The following ITSN1 variants were observed in gnomAD, a reference collection of about 807,000 sequenced individuals.
ITSN1 encodes the protein intersectin 1, also known as intersectin-1.
A neutral mutation model predicts 239.8 loss-of-function variants in ITSN1; 58 were observed. That is an observed-to-expected ratio of 0.24 (90% confidence interval 0.20 to 0.30). The LOEUF (loss-of-function observed/expected upper bound fraction) is 0.30, where lower values mean the gene tolerates loss of function less well. Ranked by LOEUF, ITSN1 falls within the 10% of genes least tolerant of loss-of-function variation. ITSN1 has a pLI of 1.00. For synonymous variants in ITSN1, 780 were observed against 770.8 expected (o/e 1.01, Z -0.20); for missense variants, 1,558 against 2,103.3 (o/e 0.74, Z 5.07).
intron 18 of ITSN1, among the ~76,000 whole-genome samples, chr21:33,799,159 C>T (rs929558895): frequency 6.6e-6 from 1 of 152,164 alleles, no homozygotes; most frequent in Admixed American, 6.5e-5. Context: ...ATATCCTCCG[C>T]TCATGTGCAT....
At chr21:33,743,536 A>C (rs976222946) in intron 5 of ITSN1, among the ~76,000 whole-genome samples, 1 of 73,528 alleles carries the variant, frequency 1.4e-5, no homozygotes, top group Non-Finnish European at 3.3e-5. Flanking sequence ...TTTAAGACAA[A>C]GAAGATTGAA....
Position 33,788,824 on chromosome 21 carries a change from G to A in ITSN1, c.1825-5517G>A, listed in dbSNP as rs201760738. 1.1e-4 allele frequency among the ~76,000 whole-genome samples: 16 copies of A among 152,248 alleles called. No homozygotes were observed. In the East Asian group the frequency reaches 2.9e-3, roughly 28 times the overall value. ...CATCGAGAATGAATAAATGTAGCCTGGTACAGTGACATATATCTCAGGAGG... is the reference window on the plus strand; with the variant it reads ...CATCGAGAATGAATAAATGTAGCCTAGTACAGTGACATATATCTCAGGAGG... On this transcript the variant is annotated intron_variant, in intron 16 of 39. Coordinates refer to ENST00000381318, the MANE Select transcript of ITSN1 (RefSeq NM_003024.3).
At chr21:33,782,990 A>G (rs1298319697) in intron 16 of ITSN1, among the ~76,000 whole-genome samples, 1 of 152,046 alleles carries the variant, frequency 6.6e-6, no homozygotes, top group Non-Finnish European at 1.5e-5. Flanking sequence ...ACGCCACTGC[A>G]CTCCAGCCTG....
At chr21:33,803,462 A>G (rs1043632233) in intron 20 of ITSN1, among the ~76,000 whole-genome samples, 9 of 152,254 alleles carry the variant, frequency 5.9e-5, no homozygotes, top group African/African-American at 1.9e-4. Flanking sequence ...AAATTATGAT[A>G]CAGCTAAAAA....
intron 10 of ITSN1, among the ~76,000 whole-genome samples, 185 bp downstream of exon 10, chr21:33,766,197 A>G (rs974250742): frequency 1.4e-4 from 22 of 152,200 alleles, no homozygotes; most frequent in African/African-American, 5.3e-4. Flanking sequence ...AAAGTACTTG[A>G]AGTATATTAG....
At chr21:33,754,165 ATTAG>A (rs1413847913) in intron 7 of ITSN1, 3 of 152,156 alleles carry the variant, frequency 2.0e-5, no homozygotes, top group Non-Finnish European at 2.9e-5. Context: ...TCAGCAAAAT[ATTAG>A]TTAGTTAACA....
chr21:33,811,779 G>T (rs997547661), intron 21 of ITSN1, among the ~76,000 whole-genome samples: 11 of 152,186 alleles, frequency 7.2e-5, no homozygotes, highest in African/African-American at 2.7e-4. Flanking sequence ...TTTAAAAACT[G>T]TGTGTAAGCA....
chr21:33,673,052 T>C (rs1368124462), intron 1 of ITSN1, among the ~76,000 whole-genome samples: 1 of 152,116 alleles, frequency 6.6e-6, no homozygotes, highest in Admixed American at 6.5e-5. Context: ...AAAAAATAAA[T>C]TGGGGCATAT....
chr21:33,881,945 C>CAAA (rs370697945), intron 34 of ITSN1, among the ~76,000 whole-genome samples: 64 of 88,388 alleles, frequency 7.2e-4, no homozygotes, highest in Non-Finnish European at 1.0e-3. Flanking sequence ...GACCCTGTCT[C>CAAA]AAAAAAAAAA....
At chr21:33,712,018 C>T (rs555001915) in intron 1 of ITSN1, among the ~76,000 whole-genome samples, 2 of 152,238 alleles carry the variant, frequency 1.3e-5, no homozygotes, top group South Asian at 4.1e-4. Context: ...CTAAAATTTT[C>T]ATTTGATTCT....
intron 29 of ITSN1, among the ~76,000 whole-genome samples, chr21:33,850,358 C>T (rs553783409): frequency 1.3e-5 from 2 of 152,330 alleles, no homozygotes; most frequent in East Asian, 1.9e-4. Flanking sequence ...GCTGGACCCA[C>T]GAGGGTCTCT....
chr21:33,811,325 G>T, intron 21 of ITSN1, 103 bp downstream of exon 21: 1 of 1,167,840 alleles, frequency 8.6e-7, no homozygotes, highest in Admixed American at 2.5e-5. Flanking sequence ...GTCCTTCTAT[G>T]TGAGGGAGCT....
intron 1 of ITSN1, among the ~76,000 whole-genome samples, chr21:33,663,349 T>C (rs1894840385): frequency 6.6e-6 from 1 of 151,962 alleles, no homozygotes; most frequent in South Asian, 2.1e-4. Context: ...TTAACTGTTA[T>C]AAAATTATAC....
intron 31 of ITSN1, among the ~76,000 whole-genome samples, chr21:33,863,243 G>A (rs11910140): frequency 0.061 from 9,275 of 152,332 alleles, 391 homozygotes; most frequent in African/African-American, 0.12. Context: ...GGGTAACTCT[G>A]TTCTACAAGT....
chr21:33,794,614 GTGTA>G, intron 17 of ITSN1, 146 bp downstream of exon 17: 1 of 1,122,622 alleles, frequency 8.9e-7, no homozygotes, highest in Non-Finnish European at 1.3e-6. Context: ...ACACAAACAC[GTGTA>G]TATATGAATC....
At chr21:33,748,978 A>G (rs1311283414) in intron 5 of ITSN1, among the ~76,000 whole-genome samples, 1 of 141,360 alleles carries the variant, frequency 7.1e-6, no homozygotes, top group Admixed American at 7.6e-5. Context: ...AAAAGAAGGT[A>G]AGCTTTTTTA....
At position 33,896,825 on chromosome 21, in the gene ITSN1, T is replaced by C. The variant is rs1278309291; in HGVS notation, c.*8525T>C. On this transcript the variant is annotated 3_prime_UTR_variant, in exon 40 of 40. Transcript: ENST00000381318. ...AGTAGGTCCCCATCTCCATATACAT[T>C]GAGCAATAATCCTCACTATGTTTCC... is the stretch of plus-strand genomic sequence containing the variant. The C allele has an allele frequency of 1.3e-5, 2 of 152,240 alleles. No homozygotes were observed. The highest frequency in any genetic ancestry group is 2.9e-5 in the Non-Finnish European group (2 of 68,038). 9.4% of individuals were successfully genotyped at this position (152,240 alleles called of 1,614,324 possible). A position where few individuals can be genotyped will look rare whatever the true frequency, so the allele number is the denominator to read the frequency against.
intron 1 of ITSN1, among the ~76,000 whole-genome samples, chr21:33,672,153 G>T (rs1255747857): frequency 6.6e-6 from 1 of 151,914 alleles, no homozygotes; most frequent in Non-Finnish European, 1.5e-5. Flanking sequence ...TGAGGCAGGA[G>T]AATCGCTTGA....
chr21:33,690,840 T>TAAAAAAAAAAAAAAAAAA (rs2091508357), intron 1 of ITSN1, among the ~76,000 whole-genome samples: 1 of 53,916 alleles, frequency 1.9e-5, no homozygotes, highest in Non-Finnish European at 3.8e-5. Flanking sequence ...TATATATATG[T>TAAAAAAAAAAAAAAAAAA]AAAAGTTAAA....
Sources: allele counts gnomAD v4.1 joint callset (sites outside exome capture counted in the v4.1 genomes callset), GRCh38; gene constraint gnomAD v4.1.1; transcripts MANE v1.5; gene names NCBI Gene and HGNC (gene_info 2026-07-23, HGNC 2026-07-21).